The following SLC8A1 variants were observed in gnomAD, a reference collection of about 807,000 sequenced individuals.
SLC8A1 encodes the protein sodium/calcium exchanger 1.
A neutral mutation model predicts 68.3 loss-of-function variants in SLC8A1; 18 were observed. The observed-to-expected ratio is 0.26, with a 90% CI of 0.18 to 0.39. The LOEUF (loss-of-function observed/expected upper bound fraction) is 0.39, where lower values mean the gene tolerates loss of function less well. SLC8A1 is among the 10% of genes least tolerant of loss of function. The pLI is 1.00. For missense variants in SLC8A1, 985 were observed against 1,156.7 expected (o/e 0.85, Z 2.15); for synonymous variants, 475 against 415.5 (o/e 1.14, Z -1.74).
chr2:40,178,308 G>T, intron 2 of SLC8A1, 79 bp downstream of exon 3: 1 of 1,033,520 alleles, frequency 9.7e-7, no homozygotes, highest in Non-Finnish European at 1.5e-6. Context: ...TGTAAGTCAT[G>T]TTCTGAAGAG....
chr2:40,260,551 T>C (rs1319150653), intron 2 of SLC8A1, among the ~76,000 whole-genome samples: 1 of 152,136 alleles, frequency 6.6e-6, no homozygotes, highest in Non-Finnish European at 1.5e-5. Context: ...GATGACTAAA[T>C]AAGTTCAAAG....
At chr2:40,429,099 G>A (rs545044457) in exon 2 of SLC8A1, 42 of 1,613,038 alleles carry the variant, frequency 2.6e-5, no homozygotes, top group African/African-American at 6.7e-5. Context: ...TGTTGACCTC[G>A]TGCATGCTGA....
intron 7 of SLC8A1, among the ~76,000 whole-genome samples, chr2:40,129,907 G>A (rs1558462723): frequency 6.6e-6 from 1 of 152,138 alleles, no homozygotes; most frequent in African/African-American, 2.4e-5. Context: ...GCTGGTATGG[G>A]GTTGGGGCAC....
chr2:40,152,312 G>T (rs1466898684), intron 6 of SLC8A1, among the ~76,000 whole-genome samples: 4 of 152,164 alleles, frequency 2.6e-5, no homozygotes, highest in South Asian at 2.1e-4. Flanking sequence ...ATGAATACAG[G>T]TTAGAAAAAC....
chr2:40,364,651 G>C (rs1474820627), intron 2 of SLC8A1, among the ~76,000 whole-genome samples: 1 of 151,934 alleles, frequency 6.6e-6, no homozygotes, highest in East Asian at 1.9e-4. Flanking sequence ...CCAGCTGTTA[G>C]TACTACTATA....
At chr2:40,359,518 G>C (rs2149474742) in intron 2 of SLC8A1, among the ~76,000 whole-genome samples, 1 of 152,220 alleles carries the variant, frequency 6.6e-6, no homozygotes. Flanking sequence ...GGGTAGAAAA[G>C]AGATCAAAAG....
At chr2:40,369,920 C>T (rs543556261) in intron 2 of SLC8A1, among the ~76,000 whole-genome samples, 1 of 152,076 alleles carries the variant, frequency 6.6e-6, no homozygotes, top group East Asian at 1.9e-4. Flanking sequence ...AGACATAATT[C>T]AAAATTTATT....
intron 2 of SLC8A1, among the ~76,000 whole-genome samples, chr2:40,253,297 CACATATAT>C (rs2063294093): frequency 6.9e-6 from 1 of 143,892 alleles, no homozygotes; most frequent in African/African-American, 2.8e-5. Flanking sequence ...TGTGTATATA[CACATATAT>C]ACACATATAT....
chr2:40,413,612 A>T (rs561458610), intron 2 of SLC8A1, among the ~76,000 whole-genome samples: 2 of 152,300 alleles, frequency 1.3e-5, no homozygotes, highest in African/African-American at 4.8e-5. Flanking sequence ...AAATTATATG[A>T]AAGTCTTATT....
rs80263098 is a variant in SLC8A1 at position 40,415,511 on chromosome 2, C to T, written c.1808+12962G>A. Among the ~76,000 whole-genome samples, 584 of 152,062 alleles carry T rather than the reference C, an allele frequency of 3.8e-3. 5 individuals are homozygous for T. Among genetic ancestry groups the T allele is most frequent in the Non-Finnish European group, 6.2e-3 (423 of 67,998 alleles). ...CTTAAGCATAAAGGATTACTTCTTC[C>T]ATTGCCACTAATCTAATTACTTTCC... On this transcript the variant is annotated intron_variant, in intron 2 of 7. Coordinates refer to ENST00000406785, the Ensembl canonical transcript of SLC8A1.
At chr2:40,447,604 A>G (rs1163279478) in intron 1 of SLC8A1, among the ~76,000 whole-genome samples, 2 of 151,686 alleles carry the variant, frequency 1.3e-5, no homozygotes, top group Non-Finnish European at 2.9e-5. Flanking sequence ...AAAAAAAAAA[A>G]AAAAGAAAGA....
chr2:40,166,912 CTG>C (rs2046638987), intron 4 of SLC8A1, among the ~76,000 whole-genome samples: 1 of 152,214 alleles, frequency 6.6e-6, no homozygotes, highest in South Asian at 2.1e-4. Flanking sequence ...TCTATTTAAA[CTG>C]TGAAGCTATT....
chr2:40,195,593 T>G (rs775696097), intron 2 of SLC8A1, among the ~76,000 whole-genome samples: 7 of 152,072 alleles, frequency 4.6e-5, no homozygotes, highest in Non-Finnish European at 1.0e-4. Context: ...ATTATTTAAG[T>G]AAATAGTGTT....
chr2:40,328,489 T>C (rs576467113), intron 2 of SLC8A1, among the ~76,000 whole-genome samples: 3 of 152,278 alleles, frequency 2.0e-5, no homozygotes, highest in South Asian at 4.1e-4. Context: ...TATATTTCTG[T>C]AGGTAATGTC....
chr2:40,498,939 A>C (rs1332492806), intron 1 of SLC8A1, among the ~76,000 whole-genome samples: 2 of 152,076 alleles, frequency 1.3e-5, no homozygotes, highest in African/African-American at 2.4e-5. Flanking sequence ...CGCTCAACAT[A>C]CAAACTAAAT....
At chr2:40,249,157 G>A (rs62148838) in intron 2 of SLC8A1, among the ~76,000 whole-genome samples, 4 of 152,016 alleles carry the variant, frequency 2.6e-5, no homozygotes, top group East Asian at 1.9e-4. Flanking sequence ...CTACTTTGTC[G>A]AAATCTTAAA....
At chr2:40,354,262 A>C (rs745554069) in intron 2 of SLC8A1, among the ~76,000 whole-genome samples, 2 of 152,094 alleles carry the variant, frequency 1.3e-5, no homozygotes, top group Admixed American at 6.6e-5. Context: ...TCTTAGTGTG[A>C]TTTGAATTTG....
intron 1 of SLC8A1, among the ~76,000 whole-genome samples, chr2:40,498,609 C>A (rs1034403103): frequency 6.6e-6 from 1 of 152,014 alleles, no homozygotes; most frequent in Non-Finnish European, 1.5e-5. Flanking sequence ...CTGAACAATA[C>A]AATTTAATGT....
intron 2 of SLC8A1, among the ~76,000 whole-genome samples, chr2:40,391,287 A>C (rs113928648): frequency 1.9e-3 from 287 of 152,018 alleles, no homozygotes; most frequent in Middle Eastern, 0.014. Context: ...CTTTGAAGAA[A>C]AGCAGTTTAT....
Sources: gnomAD v4.1 joint callset for allele counts (sites outside exome capture counted in the v4.1 genomes callset) on GRCh38, gnomAD v4.1.1 for gene constraint, MANE v1.5 for transcripts, NCBI Gene and HGNC (gene_info 2026-07-23, HGNC 2026-07-21) for gene names.